Variants in SULF2 observed in about 807,000 individuals in gnomAD.
SULF2 encodes sulfatase 2, also known as extracellular sulfatase Sulf-2.
In SULF2, 52 loss-of-function variants were observed where a neutral mutation model predicts 107.7. That is an observed-to-expected ratio of 0.48 (90% CI 0.39 to 0.61). The LOEUF (loss-of-function observed/expected upper bound fraction) is 0.61. Ranked by LOEUF, SULF2 falls within the 20% of genes least tolerant of loss-of-function variation. SULF2 has a pLI of 0.00. For synonymous variants in SULF2, 460 were observed against 464.3 expected (o/e 0.99, Z 0.12); for missense variants, 993 against 1,177.3 (o/e 0.84, Z 2.29).
intron 11 of SULF2, among the ~76,000 whole-genome samples, chr20:47,667,771 C>A (rs1379429509): frequency 6.6e-6 from 1 of 152,156 alleles, no homozygotes; most frequent in African/African-American, 2.4e-5. Flanking sequence ...TGTTGGATCC[C>A]AAGTGACCCC....
intron 3 of SULF2, among the ~76,000 whole-genome samples, chr20:47,704,428 A>G (rs2088664555): frequency 6.6e-6 from 1 of 152,012 alleles, no homozygotes; most frequent in South Asian, 2.1e-4. Context: ...GCATGCCACC[A>G]TGCCTGGCTT....
rs778178850 is a variant in SULF2, at chr20:47,665,243, G to C, written c.1953C>G (p.His651Gln). The C allele has an allele frequency of 4.3e-6, 7 of 1,614,086 alleles. No individual in the cohort carries two copies. The highest frequency in any genetic ancestry group is 5.9e-6 in the Non-Finnish European group (7 of 1,179,972). ...KIKNLREVRG[H>Q]LKKKRPEECD... is the part of the protein sequence containing the mutation. ...ATTCTTCTGGCCGCTTTTTCTTCAG[G>C]TGACCTCGGACTTCCCTCAGGTTCT... is the stretch of plus-strand genomic sequence containing the variant. Residue 651 changes from histidine (H) to glutamine (Q), a missense_variant, in exon 14 of 21, where the codon CAC (histidine) becomes CAG (glutamine). Physicochemically the swap from His to Gln is conservative, Grantham distance 24. Coordinates refer to ENST00000688720, the MANE Select transcript of SULF2 (RefSeq NM_001387048.1).
intron 3 of SULF2, among the ~76,000 whole-genome samples, chr20:47,708,098 T>C (rs1318208747): frequency 2.0e-5 from 3 of 152,230 alleles, no homozygotes; most frequent in Non-Finnish European, 4.4e-5. Flanking sequence ...TCCCAGGCAC[T>C]GGAATCACAG....
At chr20:47,776,642 A>G (rs2090730747) in intron 1 of SULF2, among the ~76,000 whole-genome samples, 1 of 152,204 alleles carries the variant, frequency 6.6e-6, no homozygotes, top group Non-Finnish European at 1.5e-5. Context: ...AGCCCTCATT[A>G]GAATGTCACA....
chr20:47,753,180 G>A (rs1002660087), intron 2 of SULF2, among the ~76,000 whole-genome samples: 2 of 151,156 alleles, frequency 1.3e-5, no homozygotes, highest in Non-Finnish European at 2.9e-5. Flanking sequence ...CTTCAAATCC[G>A]ACAATCTGAG....
intron 3 of SULF2, among the ~76,000 whole-genome samples, chr20:47,717,832 G>A (rs887889540): frequency 1.6e-5 from 1 of 64,104 alleles, no homozygotes; most frequent in Non-Finnish European, 3.5e-5. Context: ...TTTTTTTTTT[G>A]AGATGGAGTC....
rs190438066 is a variant in SULF2, at chr20:47,717,170, T to C, written c.416-14500A>G. ...CAGTGTCCTGGTATTATCATGAAAA[T>C]AGTTTTGAGTCTAGAGATCCTGGGA... On this transcript the variant is annotated intron_variant, in intron 3 of 20. Coordinates refer to ENST00000688720, the MANE Select transcript of SULF2 (RefSeq NM_001387048.1). Among the ~76,000 whole-genome samples the C allele has an allele frequency of 3.3e-5, 5 of 152,158 alleles. No homozygotes were observed. In the East Asian group the frequency reaches 7.7e-4, roughly 24 times the overall value.
At chr20:47,764,137 C>T (rs114386647) in intron 1 of SULF2, among the ~76,000 whole-genome samples, 1,692 of 152,310 alleles carry the variant, frequency 0.011, 28 homozygotes, top group African/African-American at 0.039. Flanking sequence ...CCTTCTTCCC[C>T]CTCCTCAGGT....
intron 4 of SULF2, among the ~76,000 whole-genome samples, chr20:47,699,790 G>A (rs1245208275): frequency 6.6e-6 from 1 of 152,146 alleles, no homozygotes; most frequent in Non-Finnish European, 1.5e-5. Context: ...CAAATTTGTG[G>A]CTTCTGTTGA....
intron 10 of SULF2, among the ~76,000 whole-genome samples, chr20:47,673,721 G>T (rs1460141890): frequency 1.3e-5 from 2 of 152,236 alleles, no homozygotes; most frequent in Non-Finnish European, 2.9e-5. Context: ...AGCAGGCATG[G>T]CCCTGAATGA....
intron 3 of SULF2, among the ~76,000 whole-genome samples, chr20:47,709,667 GAGA>G (rs1460815638): frequency 6.6e-6 from 1 of 152,166 alleles, no homozygotes; most frequent in African/African-American, 2.4e-5. Context: ...TACTAGAAAA[GAGA>G]AGGTCTTCTT....
chr20:47,657,951 AT>A lies in SULF2; in HGVS notation c.*410del, dbSNP rs2086946978. 1 of 213,596 alleles carries A rather than the reference AT, an allele frequency of 4.7e-6. No individual in the cohort carries two copies. Among genetic ancestry groups the A allele is most frequent in the African/African-American group, 2.3e-5 (1 of 43,314 alleles). The allele number at this position is 213,596 out of a possible 1,614,324, so 13.2% of individuals were successfully genotyped here. On this transcript the variant is annotated 3_prime_UTR_variant, in exon 21 of 21. Coordinates refer to ENST00000688720, the MANE Select transcript of SULF2 (RefSeq NM_001387048.1). ...TCCTTCTTTGTGACAAACCAAAAGA[AT>A]AAGAGGATTTAGAACAGGACTGCTT...
chr20:47,740,431 G>A (rs1207249135), intron 2 of SULF2, among the ~76,000 whole-genome samples: 3 of 152,176 alleles, frequency 2.0e-5, no homozygotes, highest in Admixed American at 2.0e-4. Flanking sequence ...GACCCAGAAG[G>A]GGGTCCTCTA....
rs181408903 is a variant in SULF2 at position 47,747,738 on chromosome 20, C to T, written c.175+9451G>A. Among the ~76,000 whole-genome samples, 205 of 152,120 alleles carry T rather than the reference C, an allele frequency of 1.3e-3. 1 individual carries two copies. Among genetic ancestry groups the T allele is most frequent in the African/African-American group, 4.7e-3 (193 of 41,492 alleles). ...TAATGTCCCCCCCTTCCCCACCTCT[C>T]CCAATCTGTTCCTCCTGCCCCCGCC... On this transcript the variant is annotated intron_variant, in intron 2 of 20. Transcript: ENST00000688720.
Position 47,718,551 on chromosome 20 carries a change from C to T in SULF2, c.416-15881G>A, listed in dbSNP as rs557602840. Among the ~76,000 whole-genome samples, 4 of 152,302 alleles carry T rather than the reference C, an allele frequency of 2.6e-5. No homozygotes were observed. The East Asian group carries it at 7.7e-4, about 29-fold the overall frequency. The stretch of plus-strand genomic sequence containing the variant: ...GAACTGGAATGTTTGGAGACTCTCA[C>T]AGTCATTCAGGAGACAGACTGTGAT... On this transcript the variant is annotated intron_variant, in intron 3 of 20. Coordinates refer to ENST00000688720, the MANE Select transcript of SULF2 (RefSeq NM_001387048.1).
intron 1 of SULF2, among the ~76,000 whole-genome samples, chr20:47,758,812 A>C (rs564513032): frequency 7.3e-4 from 111 of 152,320 alleles, no homozygotes; most frequent in African/African-American, 2.5e-3. Flanking sequence ...GCCGGGAGGA[A>C]GCCAAGTGCT....
At chr20:47,724,651 G>A (rs1329232962) in intron 3 of SULF2, among the ~76,000 whole-genome samples, 1 of 152,212 alleles carries the variant, frequency 6.6e-6, no homozygotes, top group Non-Finnish European at 1.5e-5. Context: ...TCACCACGAG[G>A]ACAAGCTGTG....
chr20:47,764,414 G>A (rs1172826467), intron 1 of SULF2, among the ~76,000 whole-genome samples: 2 of 152,214 alleles, frequency 1.3e-5, no homozygotes, highest in African/African-American at 4.8e-5. Context: ...GCCCCTGTTA[G>A]TGCTTTGAGG....
chr20:47,782,369 C>T (rs1224414482), intron 1 of SULF2, among the ~76,000 whole-genome samples: 1 of 152,212 alleles, frequency 6.6e-6, no homozygotes, highest in Admixed American at 6.5e-5. Context: ...TAATGCCCTC[C>T]CAATTAGACA....
Sources: allele counts gnomAD v4.1 joint callset (sites outside exome capture counted in the v4.1 genomes callset), GRCh38; gene constraint gnomAD v4.1.1; transcripts MANE v1.5; gene names NCBI Gene and HGNC (gene_info 2026-07-23, HGNC 2026-07-21).